Variants in SRPRA observed in about 807,000 individuals in gnomAD.
SRPRA encodes signal recognition particle receptor subunit alpha.
In SRPRA, 30 loss-of-function variants were observed where a neutral mutation model predicts 61.1. The observed-to-expected ratio is 0.49, with a 90% CI of 0.37 to 0.67. The LOEUF (loss-of-function observed/expected upper bound fraction) is 0.67. Among genes scored for constraint, SRPRA ranks in the 30% least tolerant of loss-of-function variants. The probability of loss-of-function intolerance (pLI) is 0.00; values close to 1 mark genes in which losing one functional copy is unlikely to be tolerated. For synonymous variants in SRPRA, 324 were observed against 299.7 expected, an observed-to-expected ratio of 1.08 and a Z score of -0.84; for missense variants, 759 against 828.4, an observed-to-expected ratio of 0.92 and a Z score of 1.03.
the SRPRA span, among the ~76,000 whole-genome samples, chr11:126,236,682 C>G: frequency 6.6e-6 from 1 of 151,744 alleles, no homozygotes; most frequent in African/African-American, 2.4e-5. Flanking sequence ...TTTTTCTATT[C>G]CACATTTTTT....
chr11:126,250,245 C>T, the SRPRA span, among the ~76,000 whole-genome samples: 3 of 152,074 alleles, frequency 2.0e-5, no homozygotes, highest in Non-Finnish European at 4.4e-5. This position sits in a 1 kb window ranked among gnomAD's most constrained non-coding sequence, Gnocchi z 5.1. Context: ...GCGCCTGTCA[C>T]CACGCCCTGC....
rs1170785108 is a variant in SRPRA, at chr11:126,264,307, T to G, written c.1690-18A>C. On this transcript the variant is annotated intron_variant, in intron 12 of 13. Coordinates refer to ENST00000332118, the MANE Select transcript of SRPRA (RefSeq NM_003139.4). The surrounding 1 kb of genome is among the most constrained non-coding windows in gnomAD (Gnocchi z 5.0). ...AACTTGACCTGGAAAGAAAAAGTGATAGAAGTGTAAGAACCATCTAAATTG... is the reference window on the plus strand; with the variant it reads ...AACTTGACCTGGAAAGAAAAAGTGAGAGAAGTGTAAGAACCATCTAAATTG... 2 of 1,613,596 alleles carry G rather than the reference T, an allele frequency of 1.2e-6. No homozygotes were observed. Among genetic ancestry groups the G allele is most frequent in the Admixed American group, 3.3e-5 (2 of 59,982 alleles).
At chr11:126,241,732 T>C in the SRPRA span, among the ~76,000 whole-genome samples, 4 of 152,048 alleles carry the variant, frequency 2.6e-5, no homozygotes, top group African/African-American at 9.7e-5. Flanking sequence ...GTATTTTTAG[T>C]AGAGACAGGG....
Position 126,265,533 on chromosome 11 carries a change from A to G in SRPRA, c.1139-93T>C. 7.1e-7 allele frequency: 1 copy of G among 1,411,996 alleles called. No individual in the cohort carries two copies. The highest frequency in any genetic ancestry group is 9.6e-7 in the Non-Finnish European group (1 of 1,039,878). 87.5% of individuals were successfully genotyped at this position (1,411,996 alleles called of 1,614,324 possible). ...CTTTCTGAGCTAAGGGGACTAAAAC[A>G]GTAAATTAGACTCTTGTCCCAGAAA... On this transcript the variant is annotated intron_variant, in intron 9 of 13. Coordinates refer to ENST00000332118, the MANE Select transcript of SRPRA (RefSeq NM_003139.4). The surrounding 1 kb of genome is among the most constrained non-coding windows in gnomAD (Gnocchi z 6.3).
chr11:126,265,913 C>G lies in SRPRA; in HGVS notation c.1051+50G>C. On this transcript the variant is annotated intron_variant, in intron 8 of 13. Transcript: ENST00000332118. This position sits in a 1 kb window ranked among gnomAD's most constrained non-coding sequence, Gnocchi z 6.3. ...GAGAAACGCTAGGTGATTCTGCTCT[C>G]AACTACCCCTATCCCGCGAGTATGA... The G allele has an allele frequency of 1.2e-6, 2 of 1,611,340 alleles. No individual in the cohort carries two copies. The highest frequency in any genetic ancestry group is 1.7e-6 in the Non-Finnish European group (2 of 1,177,496).
At chr11:126,253,872 T>C in the SRPRA span, among the ~76,000 whole-genome samples, 2 of 152,226 alleles carry the variant, frequency 1.3e-5, no homozygotes, top group South Asian at 4.1e-4. The surrounding 1 kb of genome is among the most constrained non-coding windows in gnomAD (Gnocchi z 5.1). Context: ...AGCTTCTGCT[T>C]GTGTGTGTTT....
chr11:126,244,506 CGAAA>C, the SRPRA span, among the ~76,000 whole-genome samples: 1 of 152,128 alleles, frequency 6.6e-6, no homozygotes. This position sits in a 1 kb window ranked among gnomAD's most constrained non-coding sequence, Gnocchi z 4.5. Flanking sequence ...ATAAATTTAA[CGAAA>C]GAAGTACAGA....
the SRPRA span, among the ~76,000 whole-genome samples, chr11:126,237,527 C>T: frequency 1.4e-5 from 2 of 143,860 alleles, no homozygotes; most frequent in East Asian, 4.2e-4. Context: ...CGTGAGCCAC[C>T]CCACCTGGCC....
chr11:126,261,619 C>G, downstream of SRPRA: 1 of 650,744 alleles, frequency 1.5e-6, no homozygotes, highest in East Asian at 2.7e-5. Context: ...GAATGATTTT[C>G]CTCTCCTACC....
At chr11:126,255,046 T>C in the SRPRA span, among the ~76,000 whole-genome samples, 26 of 152,232 alleles carry the variant, frequency 1.7e-4, no homozygotes, top group Non-Finnish European at 2.2e-4. The surrounding 1 kb of genome is among the most constrained non-coding windows in gnomAD (Gnocchi z 4.6). Flanking sequence ...GGTTTATTAA[T>C]AGCCCTCTCT....
downstream of SRPRA, among the ~76,000 whole-genome samples, chr11:126,260,142 C>A (rs886501233): frequency 4.7e-4 from 72 of 152,248 alleles, no homozygotes; most frequent in African/African-American, 1.7e-3. Context: ...AGGCGATCCT[C>A]CCACCTCAGC....
At position 126,265,200 on chromosome 11, in the gene SRPRA, C is replaced by T; in HGVS notation, c.1312-28G>A. 1 of 1,613,916 alleles carries T rather than the reference C, an allele frequency of 6.2e-7. No individual in the cohort carries two copies. Among genetic ancestry groups the T allele is most frequent in the South Asian group, 1.1e-5 (1 of 91,054 alleles). On this transcript the variant is annotated intron_variant, in intron 10 of 13. Coordinates refer to ENST00000332118, the MANE Select transcript of SRPRA (RefSeq NM_003139.4). The surrounding 1 kb of genome is among the most constrained non-coding windows in gnomAD (Gnocchi z 6.3). ...GTGAAAAAGACGTAAGAAAAGTCAC[C>T]TAAAGCCAGGATTTTGAGACACAAG...
chr11:126,266,834 G>C lies in SRPRA; in HGVS notation c.615C>G (p.Ser205=), dbSNP rs945509181. Residue 205 remains serine (S), a synonymous_variant, in exon 5 of 14, where the codon TCC becomes TCG. Transcript: ENST00000332118. ...GCTTCCTGCGGATCAGCTCCTCTTT[G>C]GAAAGTTCTACTCCGTTCTCAGGAC... ...PVGPENGVEL[S]KEELIRRKRE... 6 of 1,614,148 alleles carry C rather than the reference G, an allele frequency of 3.7e-6. No individual in the cohort carries two copies. The highest frequency in any genetic ancestry group is 5.1e-6 in the Non-Finnish European group (6 of 1,180,038).
chr11:126,263,128 T>C lies in SRPRA; in HGVS notation c.*788A>G. The C allele has an allele frequency of 6.5e-6, 1 of 152,672 alleles. No homozygotes were observed. The highest frequency in any genetic ancestry group is 6.5e-5 in the Admixed American group (1 of 15,298). 9.5% of individuals were successfully genotyped at this position (152,672 alleles called of 1,614,324 possible). A position where few individuals can be genotyped will look rare whatever the true frequency, so the allele number is the denominator to read the frequency against. ...GGGAGTGATGAGGAAAAGCCAGGAC[T>C]GCTTAGGAGGTGAAGGATGGGAGGG... is the stretch of plus-strand genomic sequence containing the variant. On this transcript the variant is annotated 3_prime_UTR_variant, in exon 14 of 14. Coordinates refer to ENST00000332118, the MANE Select transcript of SRPRA (RefSeq NM_003139.4).
Position 126,264,873 on chromosome 11 carries a change from A to T in SRPRA, c.1525+86T>A. The T allele has an allele frequency of 7.7e-7, 1 of 1,306,124 alleles. No homozygotes were observed. 80.9% of individuals were successfully genotyped at this position (1,306,124 alleles called of 1,614,324 possible). ...AATTGACCAACGAGTCTGTAGTAGC[A>T]CAAGCCTGATCTTCTGCAAATTCCA... is the stretch of plus-strand genomic sequence containing the variant. On this transcript the variant is annotated intron_variant, in intron 11 of 13. Coordinates refer to ENST00000332118, the MANE Select transcript of SRPRA (RefSeq NM_003139.4). This position sits in a 1 kb window ranked among gnomAD's most constrained non-coding sequence, Gnocchi z 5.0.
chr11:126,236,319 T>TA, the SRPRA span, among the ~76,000 whole-genome samples: 2 of 152,346 alleles, frequency 1.3e-5, no homozygotes, highest in South Asian at 2.1e-4. Context: ...ATCATACACT[T>TA]ACATTCATTT....
downstream of SRPRA, chr11:126,261,342 C>G: frequency 1.3e-4 from 133 of 1,048,520 alleles, no homozygotes; most frequent in Non-Finnish European, 1.8e-4. Flanking sequence ...TACCATATGT[C>G]CTCATCTCCC....
chr11:126,266,610 C>G lies in SRPRA; in HGVS notation c.706G>C (p.Ala236Pro). ...GCTTTTTTGCCCTTCTCCTTTGGAG[C>G]ATCTGACTTCGTGGACTTGCTGCAA... is the stretch of plus-strand genomic sequence containing the variant. ...EKSNKSTKSDAPKEKGKKAPR... is the reference protein window; with the variant it reads ...EKSNKSTKSDPPKEKGKKAPR... Residue 236 changes from alanine (A) to proline (P), a missense_variant, in exon 6 of 14, where the codon GCT becomes CCT. Ala to Pro is a conservative substitution (Grantham distance 27, BLOSUM62 -1). This residue lies in a region of SRPRA where 475 missense variants were observed against 462.5 expected (regional missense o/e 1.03). Transcript: ENST00000332118. The G allele has an allele frequency of 6.2e-7, 1 of 1,613,964 alleles. No homozygotes were observed. Among genetic ancestry groups the G allele is most frequent in the Non-Finnish European group, 8.5e-7 (1 of 1,179,910 alleles).
At chr11:126,268,574 G>A (rs1180828692) in intron 1 of SRPRA, 114 bp downstream of exon 1, 178 of 816,234 alleles carry the variant, frequency 2.2e-4, no homozygotes, top group Non-Finnish European at 4.7e-5. Flanking sequence ...ACGCGTGAGT[G>A]GTCAGTGTGA....
Sources: allele counts gnomAD v4.1 joint callset (sites outside exome capture counted in the v4.1 genomes callset), GRCh38; gene constraint gnomAD v4.1.1; regional missense constraint gnomAD v4.1.1; non-coding constraint Gnocchi (gnomAD v3.1); transcripts MANE v1.5; gene names NCBI Gene and HGNC (gene_info 2026-07-23, HGNC 2026-07-21).